The following PLAGL1 variants were observed in gnomAD, a reference collection of about 807,000 sequenced individuals.
The protein encoded by PLAGL1 is PLAG1 like zinc finger 1.
In PLAGL1, 1 loss-of-function variant was observed where a neutral mutation model predicts 4.6. The ratio of observed to expected loss-of-function variants is 0.22; its 90% CI spans 0.08 to 1.03. The LOEUF (loss-of-function observed/expected upper bound fraction) is 1.03. Ranked by LOEUF, PLAGL1 falls within the 50% of genes least tolerant of loss-of-function variation. The probability of loss-of-function intolerance (pLI) is 0.58; values close to 1 mark genes in which losing one functional copy is unlikely to be tolerated. For missense variants in PLAGL1, 464 were observed against 570.4 expected (o/e 0.81, Z 1.90); for synonymous variants, 240 against 237.8 (o/e 1.01, Z -0.08).
chr6:144,046,362 G>T (rs1312045993), intron 1 of PLAGL1, among the ~76,000 whole-genome samples: 2 of 152,148 alleles, frequency 1.3e-5, no homozygotes, highest in Admixed American at 1.3e-4. Context: ...CCTACAGATG[G>T]GGTTTTGGTG....
chr6:144,047,147 A>C (rs1431556916), intron 1 of PLAGL1, among the ~76,000 whole-genome samples: 1 of 152,162 alleles, frequency 6.6e-6, no homozygotes, highest in Admixed American at 6.5e-5. Context: ...AACCCCTTGC[A>C]CTTCCCGGGT....
In PLAGL1 at chr6:143,957,171, G is replaced by A. The variant is rs1454502555; in HGVS notation, c.-325+3298C>T. Among the ~76,000 whole-genome samples the A allele has an allele frequency of 6.6e-6, 1 of 152,212 alleles. No homozygotes were observed. The highest frequency in any genetic ancestry group is 1.5e-5 in the Non-Finnish European group (1 of 68,038). On this transcript the variant is annotated intron_variant, in intron 6 of 7. Coordinates refer to ENST00000674357, the MANE Select transcript of PLAGL1 (RefSeq NM_001317162.2). The surrounding 1 kb of genome is among the most constrained non-coding windows in gnomAD (Gnocchi z 4.2). ...AACAGTCACAAAAAAATAGACAAAT[G>A]TCTACAAGTAAAATAGATGTGTGCA...
rs59857186 is a variant in PLAGL1, at chr6:143,968,018, A to AAAC, written c.-472+888_-472+889insGTT. ...TTTGCAAAAAAAAAAAAAAAAAAAA[A>AAAC]CAGTCTGGAGAGAGGCCAAGAGTTA... On this transcript the variant is annotated intron_variant, in intron 3 of 7. Transcript: ENST00000674357. This position sits in a 1 kb window ranked among gnomAD's most constrained non-coding sequence, Gnocchi z 6.3. 7.0e-6 allele frequency: 1 copy of AAAC among 143,660 alleles called. No homozygotes were observed. The highest frequency in any genetic ancestry group is 1.5e-5 in the Non-Finnish European group (1 of 65,218). The allele number at this position is 143,660 out of a possible 1,614,324, so 8.9% of individuals were successfully genotyped here. A position where few individuals can be genotyped will look rare whatever the true frequency, so the allele number is the denominator to read the frequency against.
In PLAGL1 at chr6:143,960,503, G is replaced by C. The variant is rs1401409199; in HGVS notation, c.-359C>G. On this transcript the variant is annotated 5_prime_UTR_variant, in exon 6 of 8. Coordinates refer to ENST00000674357, the MANE Select transcript of PLAGL1 (RefSeq NM_001317162.2). This position sits in a 1 kb window ranked among gnomAD's most constrained non-coding sequence, Gnocchi z 5.7. ...GACAGGGAACATCTGCTGCGAGGCA[G>C]GGACCGAGTCCTCCCAGAAGTTTGT... The C allele has an allele frequency of 6.6e-6, 1 of 152,198 alleles. No individual in the cohort carries two copies. Among genetic ancestry groups the C allele is most frequent in the African/African-American group, 2.4e-5 (1 of 41,446 alleles). 9.4% of individuals were successfully genotyped at this position (152,198 alleles called of 1,614,324 possible). A position where few individuals can be genotyped will look rare whatever the true frequency, so the allele number is the denominator to read the frequency against.
intron 1 of PLAGL1, among the ~76,000 whole-genome samples, chr6:144,019,842 ATG>A (rs1261032135): frequency 6.6e-6 from 1 of 151,884 alleles, no homozygotes; most frequent in African/African-American, 2.4e-5. Flanking sequence ...TCTGATTATG[ATG>A]TTCCTTTATT....
rs1419873945 is a variant in PLAGL1 at position 143,970,141 on chromosome 6, A to G, written c.-543-1163T>C. ...TAACCTCCTTCTCTGAGTAGCCCAC[A>G]TTTGTGCCTTGACCAAAAAGGCTGC... On this transcript the variant is annotated intron_variant, in intron 2 of 7. Transcript: ENST00000674357. This position sits in a 1 kb window ranked among gnomAD's most constrained non-coding sequence, Gnocchi z 5.8. Among the ~76,000 whole-genome samples, 1 of 152,210 alleles carries G rather than the reference A, an allele frequency of 6.6e-6. No homozygotes were observed. Among genetic ancestry groups the G allele is most frequent in the African/African-American group, 2.4e-5 (1 of 41,464 alleles).
intron 1 of PLAGL1, among the ~76,000 whole-genome samples, chr6:144,060,102 C>T (rs1799277804): frequency 6.6e-6 from 1 of 151,962 alleles, no homozygotes; most frequent in Admixed American, 6.6e-5. Flanking sequence ...GGCTGAAGTG[C>T]AGTGGTGTGA....
rs1222728782 is a variant in PLAGL1, at chr6:143,982,173, G to C, written c.-544+2962C>G. 4.6e-5 allele frequency among the ~76,000 whole-genome samples: 7 copies of C among 152,004 alleles called. No homozygotes were observed. Among genetic ancestry groups the C allele is most frequent in the Non-Finnish European group, 8.8e-5 (6 of 67,984 alleles). On this transcript the variant is annotated intron_variant, in intron 2 of 7. Coordinates refer to ENST00000674357, the MANE Select transcript of PLAGL1 (RefSeq NM_001317162.2). The surrounding 1 kb of genome is among the most constrained non-coding windows in gnomAD (Gnocchi z 5.3). ...TCAGATGGTGATTTTAAAAAAAAAAGTAATGAAGAGACAGGAAGTGCTAAG... is the reference window on the plus strand; with the variant it reads ...TCAGATGGTGATTTTAAAAAAAAAACTAATGAAGAGACAGGAAGTGCTAAG...
chr6:144,025,906 A>T (rs1796309030), intron 1 of PLAGL1, among the ~76,000 whole-genome samples: 1 of 152,168 alleles, frequency 6.6e-6, no homozygotes, highest in Admixed American at 6.6e-5. Context: ...TAAATAAATG[A>T]ATAAATAACA....
chr6:144,010,293 T>A (rs185838601), upstream of PLAGL1, among the ~76,000 whole-genome samples: 1 of 152,264 alleles, frequency 6.6e-6, no homozygotes, highest in African/African-American at 2.4e-5. This position sits in a 1 kb window ranked among gnomAD's most constrained non-coding sequence, Gnocchi z 4.1. Flanking sequence ...TCACAAGCAT[T>A]CCTATACCCC....
rs1788727936 is a variant in PLAGL1, at chr6:143,985,108, A to T, written c.-544+27T>A. 6.6e-6 allele frequency: 1 copy of T among 152,222 alleles called. No individual in the cohort carries two copies. The highest frequency in any genetic ancestry group is 2.4e-5 in the African/African-American group (1 of 41,470). 9.4% of individuals were successfully genotyped at this position (152,222 alleles called of 1,614,324 possible). ...GAAGACAAGGTATTGGGGGAAGAGGATAAAAGAAACTGAAATATCAGCTTA... is the reference window on the plus strand; with the variant it reads ...GAAGACAAGGTATTGGGGGAAGAGGTTAAAAGAAACTGAAATATCAGCTTA... On this transcript the variant is annotated intron_variant, in intron 2 of 7. Transcript: ENST00000674357. This position sits in a 1 kb window ranked among gnomAD's most constrained non-coding sequence, Gnocchi z 4.4.
At position 143,966,767 on chromosome 6, in the gene PLAGL1, TTTC is replaced by T. The variant is rs1784498769; in HGVS notation, c.-471-572_-471-570del. On this transcript the variant is annotated intron_variant, in intron 3 of 7. Transcript: ENST00000674357. The surrounding 1 kb of genome is among the most constrained non-coding windows in gnomAD (Gnocchi z 6.0). Reference sequence around the variant, plus strand: ...TTTTAAACATTGATAGAGAAATTATTTTCTTTTCTAATTTTAATATTTAACACT... The same window carrying T: ...TTTTAAACATTGATAGAGAAATTATTTTTTCTAATTTTAATATTTAACACT... 2.6e-5 allele frequency: 4 copies of T among 152,174 alleles called. No individual in the cohort carries two copies. 9.4% of individuals were successfully genotyped at this position (152,174 alleles called of 1,614,324 possible).
In PLAGL1 at chr6:144,034,997, TA is replaced by T. The variant is rs1797114038; in HGVS notation, c.-151+29470del. On this transcript the variant is annotated intron_variant, in intron 1 of 3. Transcript: ENST00000437412. This position sits in a 1 kb window ranked among gnomAD's most constrained non-coding sequence, Gnocchi z 4.7. ...GGGTATGTAATACATTGAGAACAGTTAAATGTTAATGATAGAATCTAGTGGT... is the reference window on the plus strand; with the variant it reads ...GGGTATGTAATACATTGAGAACAGTTAATGTTAATGATAGAATCTAGTGGT... Among the ~76,000 whole-genome samples, 1 of 152,182 alleles carries T rather than the reference TA, an allele frequency of 6.6e-6. No individual in the cohort carries two copies.
intron 1 of PLAGL1, chr6:144,007,496 TA>T (rs1562561314): frequency 6.6e-6 from 1 of 152,210 alleles, no homozygotes; most frequent in Non-Finnish European, 1.5e-5. Flanking sequence ...TATTCAAAAT[TA>T]CAGGAGTATA....
Position 143,942,732 on chromosome 6 carries a change from T to C in PLAGL1, c.153-69A>G, listed in dbSNP as rs1778914421. On this transcript the variant is annotated intron_variant, in intron 7 of 7. Transcript: ENST00000674357. This position sits in a 1 kb window ranked among gnomAD's most constrained non-coding sequence, Gnocchi z 7.6. Reference sequence around the variant, plus strand: ...GAGCTGAAGAAAGGTGTAGCAACAATATTATATCAAAATGTTAATAGTTTT... The same window carrying C: ...GAGCTGAAGAAAGGTGTAGCAACAACATTATATCAAAATGTTAATAGTTTT... The C allele has an allele frequency of 8.8e-7, 1 of 1,130,428 alleles. No individual in the cohort carries two copies. The highest frequency in any genetic ancestry group is 1.3e-6 in the Non-Finnish European group (1 of 790,598). The allele number at this position is 1,130,428 out of a possible 1,614,324, so 70.0% of individuals were successfully genotyped here.
In PLAGL1 at chr6:143,959,603, G is replaced by T. The variant is rs1053715429; in HGVS notation, c.-325+866C>A. 4.6e-5 allele frequency among the ~76,000 whole-genome samples: 7 copies of T among 152,304 alleles called. No homozygotes were observed. In the East Asian group the frequency reaches 1.2e-3, roughly 25 times the overall value. On this transcript the variant is annotated intron_variant, in intron 6 of 7. Coordinates refer to ENST00000674357, the MANE Select transcript of PLAGL1 (RefSeq NM_001317162.2). This position sits in a 1 kb window ranked among gnomAD's most constrained non-coding sequence, Gnocchi z 5.3. Reference sequence around the variant, plus strand: ...AAACTATTTCAGTTGAGCTCATAAAGCTCTCTCATGCTATTCCAATAATTT... The same window carrying T: ...AAACTATTTCAGTTGAGCTCATAAATCTCTCTCATGCTATTCCAATAATTT...
Position 144,004,571 on chromosome 6 carries a change from T to C in PLAGL1, c.-584+3519A>G, listed in dbSNP as rs1793738091. On this transcript the variant is annotated intron_variant, in intron 1 of 7. Coordinates refer to ENST00000674357, the MANE Select transcript of PLAGL1 (RefSeq NM_001317162.2). This position sits in a 1 kb window ranked among gnomAD's most constrained non-coding sequence, Gnocchi z 4.2. ...ATGGTCATAGAAATCGGGACAGTAGTTGACTGGGGGAAGCGAGTGGCTCCA... is the reference window on the plus strand; with the variant it reads ...ATGGTCATAGAAATCGGGACAGTAGCTGACTGGGGGAAGCGAGTGGCTCCA... Among the ~76,000 whole-genome samples the C allele has an allele frequency of 6.6e-6, 1 of 152,152 alleles. No homozygotes were observed. Among genetic ancestry groups the C allele is most frequent in the Non-Finnish European group, 1.5e-5 (1 of 68,024 alleles).
intron 1 of PLAGL1, among the ~76,000 whole-genome samples, chr6:143,992,368 G>A (rs1471172918): frequency 6.6e-6 from 1 of 152,208 alleles, no homozygotes; most frequent in Non-Finnish European, 1.5e-5. Flanking sequence ...CAAGTCCACA[G>A]TGGATGTTTA....
chr6:144,020,635 A>T (rs1405300941), intron 1 of PLAGL1, among the ~76,000 whole-genome samples: 1 of 151,158 alleles, frequency 6.6e-6, no homozygotes, highest in Non-Finnish European at 1.5e-5. Flanking sequence ...TTTTAGAGAC[A>T]AGGACTTACT....
Sources: allele counts gnomAD v4.1 joint callset (sites outside exome capture counted in the v4.1 genomes callset), GRCh38; gene constraint gnomAD v4.1.1; non-coding constraint Gnocchi (gnomAD v3.1); transcripts MANE v1.5; gene names NCBI Gene and HGNC (gene_info 2026-07-23, HGNC 2026-07-21).